IFT56: variants seen among roughly 807,000 people sequenced by gnomAD.
The protein encoded by IFT56 is intraflagellar transport 56.
the IFT56 span, among the ~76,000 whole-genome samples, chr7:139,141,511 TTACTTAC>T: frequency 6.6e-6 from 1 of 152,232 alleles, no homozygotes; most frequent in Non-Finnish European, 1.5e-5. Flanking sequence ...GTCCTTTATG[TTACTTAC>T]TTTATCTCAT....
the IFT56 span, among the ~76,000 whole-genome samples, chr7:139,159,840 T>A: frequency 1.3e-5 from 2 of 152,248 alleles, no homozygotes; most frequent in African/African-American, 2.4e-5. Context: ...TTTTCAGTAA[T>A]GACAAGTTGC....
the IFT56 span, chr7:139,178,235 G>A: frequency 2.5e-6 from 4 of 1,613,834 alleles, no homozygotes; most frequent in East Asian, 6.7e-5. Context: ...GGGAGGCAGT[G>A]CATGGCTTCC....
At chr7:139,146,868 T>C in the IFT56 span, 1 of 589,678 alleles carries the variant, frequency 1.7e-6, no homozygotes, top group South Asian at 2.2e-5. Flanking sequence ...GGAGAAAATA[T>C]AAAGAAAAAG....
the IFT56 span, among the ~76,000 whole-genome samples, chr7:139,150,105 A>G: frequency 1.7e-3 from 254 of 152,294 alleles, 1 homozygote; most frequent in African/African-American, 5.8e-3. Context: ...TGCCCTCCAA[A>G]TTGAATTGCT....
chr7:139,141,018 TG>T, the IFT56 span, among the ~76,000 whole-genome samples: 2 of 149,524 alleles, frequency 1.3e-5, no homozygotes, highest in Non-Finnish European at 2.9e-5. Flanking sequence ...CCCAGCACTT[TG>T]GGAGGCCGAG....
At chr7:139,144,699 A>C in the IFT56 span, among the ~76,000 whole-genome samples, 4 of 151,892 alleles carry the variant, frequency 2.6e-5, no homozygotes, top group African/African-American at 9.7e-5. Context: ...ACTAATCATC[A>C]TTCTTCAGCT....
chr7:139,150,890 A>G, the IFT56 span, among the ~76,000 whole-genome samples: 1 of 152,230 alleles, frequency 6.6e-6, no homozygotes, highest in Non-Finnish European at 1.5e-5. Context: ...TCCAACATAG[A>G]CTTAACCACT....
the IFT56 span, among the ~76,000 whole-genome samples, chr7:139,151,216 G>T: frequency 1.3e-5 from 2 of 152,192 alleles, no homozygotes; most frequent in African/African-American, 4.8e-5. Flanking sequence ...TATCTGATTA[G>T]GATATCATTA....
chr7:139,147,046 T>C, the IFT56 span: 3 of 1,565,314 alleles, frequency 1.9e-6, no homozygotes, highest in Non-Finnish European at 2.6e-6. Flanking sequence ...ACACAATGGC[T>C]AAAGAAGGAA....
the IFT56 span, chr7:139,187,422 A>G: frequency 6.2e-7 from 1 of 1,614,100 alleles, no homozygotes; most frequent in Admixed American, 1.7e-5. Flanking sequence ...CAGTTTTACT[A>G]TTCTGCCAAA....
the IFT56 span, chr7:139,134,593 ACT>A: frequency 2.0e-6 from 3 of 1,511,610 alleles, no homozygotes; most frequent in African/African-American, 4.2e-5. Context: ...CAGAGCTGTC[ACT>A]CTCAGTTTAA....
At chr7:139,180,481 A>C in the IFT56 span, among the ~76,000 whole-genome samples, 1 of 152,224 alleles carries the variant, frequency 6.6e-6, no homozygotes, top group Admixed American at 6.5e-5. Flanking sequence ...AGCTTGAGGC[A>C]GGCAAATCAC....
chr7:139,179,013 T>G, the IFT56 span, among the ~76,000 whole-genome samples: 1 of 152,270 alleles, frequency 6.6e-6, no homozygotes, highest in South Asian at 2.1e-4. Flanking sequence ...ATACATATCA[T>G]AAGTATACAG....
chr7:139,146,882 A>G, the IFT56 span: 1 of 754,534 alleles, frequency 1.3e-6, no homozygotes, highest in Non-Finnish European at 2.0e-6. Flanking sequence ...GAAAAAGAAA[A>G]GATAAGGGGA....
chr7:139,151,749 C>T, the IFT56 span, among the ~76,000 whole-genome samples: 5 of 152,172 alleles, frequency 3.3e-5, no homozygotes, highest in South Asian at 1.0e-3. Flanking sequence ...ATGTTTAGTG[C>T]TTTCTGTATC....
At chr7:139,164,470 G>A in the IFT56 span, among the ~76,000 whole-genome samples, 1 of 151,972 alleles carries the variant, frequency 6.6e-6, no homozygotes, top group African/African-American at 2.4e-5. Flanking sequence ...ACACAATAAG[G>A]GTTATGCTTT....
the IFT56 span, chr7:139,189,459 C>A: frequency 1.4e-6 from 2 of 1,473,486 alleles, no homozygotes; most frequent in Non-Finnish European, 1.9e-6. Context: ...TAGGAACCAG[C>A]TTCTACTTTG....
the IFT56 span, among the ~76,000 whole-genome samples, chr7:139,176,504 A>C: frequency 7.0e-4 from 107 of 152,258 alleles, no homozygotes; most frequent in African/African-American, 2.4e-3. Context: ...TATATTGCCC[A>C]CTAGTAGTCT....
chr7:139,156,716 CCATTTA>C, the IFT56 span, among the ~76,000 whole-genome samples: 89 of 152,162 alleles, frequency 5.8e-4, no homozygotes, highest in African/African-American at 2.1e-3. Flanking sequence ...TTGTTTCAGA[CCATTTA>C]TTGAAAAGAT....
Sources: gnomAD v4.1 joint callset for allele counts (sites outside exome capture counted in the v4.1 genomes callset) on GRCh38, gnomAD v4.1.1 for gene constraint, MANE v1.5 for transcripts, NCBI Gene and HGNC (gene_info 2026-07-23, HGNC 2026-07-21) for gene names.